The following SNX16 variants were observed in gnomAD, a reference collection of about 807,000 sequenced individuals.
SNX16 encodes the protein sorting nexin-16.
In SNX16, 35 loss-of-function variants were observed where a neutral mutation model predicts 36.7. That is an observed-to-expected ratio of 0.95 (90% confidence interval 0.73 to 1.27). The LOEUF is 1.27. Ranked by LOEUF, SNX16 falls within the 50% of genes most tolerant of loss-of-function variation. SNX16 has a pLI of 0.00. For missense variants in SNX16, 367 were observed against 393.6 expected, an observed-to-expected ratio of 0.93 and a Z score of 0.57; for synonymous variants, 134 against 132.0, an observed-to-expected ratio of 1.02 and a Z score of -0.10.
chr8:81,834,178 AAAG>A (rs1384527027), intron 2 of SNX16, among the ~76,000 whole-genome samples: 1 of 152,178 alleles, frequency 6.6e-6, no homozygotes, highest in Non-Finnish European at 1.5e-5. Context: ...GCAGCAGACA[AAAG>A]AAGAGAGCTT....
rs1811163612 is a variant in SNX16, at chr8:81,829,619, T to A, written c.376-103A>T. On this transcript the variant is annotated intron_variant, in intron 2 of 7. Transcript: ENST00000345957. The stretch of plus-strand genomic sequence containing the variant: ...AAAAATTTTACTTGATAACCCAGAC[T>A]ATAACAATTATTATGTAAAAAATAT... The A allele has an allele frequency of 9.7e-6, 4 of 413,504 alleles. 1 individual carries two copies. The highest frequency in any genetic ancestry group is 1.7e-5 in the Non-Finnish European group (4 of 238,810). 25.6% of individuals were successfully genotyped at this position (413,504 alleles called of 1,614,324 possible).
chr8:81,833,972 A>G (rs1403170301), intron 2 of SNX16, among the ~76,000 whole-genome samples: 1 of 152,226 alleles, frequency 6.6e-6, no homozygotes, highest in African/African-American at 2.4e-5. Flanking sequence ...TGTGCAATTC[A>G]TAAGCGTACA....
At chr8:81,808,438 G>A (rs1207877985) in intron 5 of SNX16, 2 of 1,114,578 alleles carry the variant, frequency 1.8e-6, no homozygotes, top group African/African-American at 3.0e-5. Context: ...GGAAACTTCA[G>A]GGGTCATGGT....
At chr8:81,816,261 C>T (rs1403162927) in intron 4 of SNX16, among the ~76,000 whole-genome samples, 1 of 150,046 alleles carries the variant, frequency 6.7e-6, no homozygotes, top group Admixed American at 6.7e-5. Flanking sequence ...GTGATCTCGG[C>T]TCACTGCAAC....
chr8:81,821,188 C>T (rs1248783317), intron 4 of SNX16, among the ~76,000 whole-genome samples: 2 of 151,154 alleles, frequency 1.3e-5, no homozygotes, highest in South Asian at 2.1e-4. Context: ...CTTTCCCCAA[C>T]TTATTTAGCT....
rs554577199 is a variant in SNX16, at chr8:81,799,829, G to A, written c.*1668C>T. ...AATTTGGCAAAGATCTGTTATATAA[G>A]ATACAGAATGGTACTGATTAAATGA... On this transcript the variant is annotated 3_prime_UTR_variant, in exon 8 of 8. Transcript: ENST00000345957. 1 of 151,900 alleles carries A rather than the reference G, an allele frequency of 6.6e-6. No homozygotes were observed. Among genetic ancestry groups the A allele is most frequent in the East Asian group, 1.9e-4 (1 of 5,190 alleles). The allele number at this position is 151,900 out of a possible 1,614,324, so 9.4% of individuals were successfully genotyped here.
chr8:81,814,544 G>A (rs1810395507), intron 5 of SNX16: 1 of 151,966 alleles, frequency 6.6e-6, no homozygotes, highest in Admixed American at 6.6e-5. Context: ...CTAAAATTGG[G>A]TTACAGTGAT....
chr8:81,835,649 A>G (rs1811462362), intron 2 of SNX16, among the ~76,000 whole-genome samples: 1 of 152,222 alleles, frequency 6.6e-6, no homozygotes, highest in Non-Finnish European at 1.5e-5. Flanking sequence ...AATGCCGCCA[A>G]TCTCTTTGCT....
At chr8:81,808,448 T>A in intron 5 of SNX16, 1 of 1,074,586 alleles carries the variant, frequency 9.3e-7, no homozygotes, top group Non-Finnish European at 1.4e-6. Flanking sequence ...GGGGTCATGG[T>A]GGCTTTGCTG....
intron 5 of SNX16, among the ~76,000 whole-genome samples, chr8:81,814,054 C>T (rs560467721): frequency 6.6e-6 from 1 of 152,076 alleles, no homozygotes; most frequent in South Asian, 2.1e-4. Flanking sequence ...CACTTCTACT[C>T]TTAGGGAAGT....
At chr8:81,819,198 T>C (rs1810624489) in intron 4 of SNX16, among the ~76,000 whole-genome samples, 2 of 152,088 alleles carry the variant, frequency 1.3e-5, no homozygotes, top group Middle Eastern at 3.2e-3. Context: ...AAAAATGGCA[T>C]GTAAGATACA....
chr8:81,825,050 G>A (rs1276478694), intron 3 of SNX16, among the ~76,000 whole-genome samples: 4 of 152,146 alleles, frequency 2.6e-5, no homozygotes, highest in Non-Finnish European at 2.9e-5. Flanking sequence ...CTTCAAAAGG[G>A]AGCATTCCAA....
At chr8:81,803,545 T>G (rs1264747266) in intron 5 of SNX16, among the ~76,000 whole-genome samples, 1 of 151,738 alleles carries the variant, frequency 6.6e-6, no homozygotes, top group Non-Finnish European at 1.5e-5. Context: ...AATTGGCAAC[T>G]ACTGCTTTAG....
At chr8:81,835,912 A>T (rs1811472280) in intron 2 of SNX16, among the ~76,000 whole-genome samples, 1 of 152,236 alleles carries the variant, frequency 6.6e-6, no homozygotes, top group Admixed American at 6.5e-5. Flanking sequence ...TCACAAGAAC[A>T]GTATGGGAAA....
At chr8:81,832,134 C>T (rs1247448904) in intron 2 of SNX16, among the ~76,000 whole-genome samples, 1 of 152,184 alleles carries the variant, frequency 6.6e-6, no homozygotes, top group African/African-American at 2.4e-5. Flanking sequence ...GCACAAACTA[C>T]TCACAATGGC....
rs572253028 is a variant in SNX16, at chr8:81,803,630, C to T, written c.682-402G>A. ...AAAAAATATCAACTGTGGTTGATGCCATTTGTATTAGCTCAGTAGACATAC... is the reference window on the plus strand; with the variant it reads ...AAAAAATATCAACTGTGGTTGATGCTATTTGTATTAGCTCAGTAGACATAC... On this transcript the variant is annotated intron_variant, in intron 5 of 7. Transcript: ENST00000345957. Among the ~76,000 whole-genome samples, 6 of 152,016 alleles carry T rather than the reference C, an allele frequency of 3.9e-5. No individual in the cohort carries two copies. In the South Asian group the frequency reaches 1.2e-3, roughly 32 times the overall value.
chr8:81,840,915 C>G (rs1811724881), intron 1 of SNX16, among the ~76,000 whole-genome samples: 2 of 151,852 alleles, frequency 1.3e-5, no homozygotes, highest in South Asian at 4.2e-4. Flanking sequence ...TCATAAGAAA[C>G]TGTAACAACT....
At chr8:81,806,623 A>C (rs1809962034) in intron 5 of SNX16, among the ~76,000 whole-genome samples, 1 of 152,232 alleles carries the variant, frequency 6.6e-6, no homozygotes, top group South Asian at 2.1e-4. Flanking sequence ...TTAGGATGAA[A>C]GGAAAAGGAT....
chr8:81,830,494 C>A (rs910339759), intron 2 of SNX16, among the ~76,000 whole-genome samples: 3 of 151,110 alleles, frequency 2.0e-5, no homozygotes, highest in African/African-American at 7.3e-5. Context: ...TGGCATGAAC[C>A]CAGGAGGCGG....
Sources: allele counts gnomAD v4.1 joint callset (sites outside exome capture counted in the v4.1 genomes callset), GRCh38; gene constraint gnomAD v4.1.1; transcripts MANE v1.5; gene names NCBI Gene and HGNC (gene_info 2026-07-23, HGNC 2026-07-21).